Variants in NR2C2 observed in about 807,000 individuals in gnomAD.
The protein encoded by NR2C2 is Nuclear hormone receptor TR4.
NR2C2 carries 6 observed loss-of-function variants against 62.9 expected under a neutral mutation model. That is an observed-to-expected ratio of 0.10 (90% CI 0.05 to 0.19). NR2C2 has a LOEUF of 0.19. NR2C2 is among the 10% of genes least tolerant of loss of function. The pLI, the probability that NR2C2 is intolerant of heterozygous loss-of-function variation, is 1.00. For missense variants in NR2C2, 479 were observed against 762.7 expected (o/e 0.63, Z 4.38); for synonymous variants, 272 against 273.8 (o/e 0.99, Z 0.07).
At chr3:14,979,960 C>G (rs945858011) in intron 1 of NR2C2, among the ~76,000 whole-genome samples, 17 of 152,138 alleles carry the variant, frequency 1.1e-4, no homozygotes, top group Non-Finnish European at 2.5e-4. Context: ...AGTTCCTGCC[C>G]TGACAGACCA....
chr3:15,042,898 CTTTT>C lies in NR2C2; in HGVS notation c.1686_1689del (p.Phe562LeufsTer10). On this transcript the variant is annotated frameshift_variant, in exon 14 of 14. Coordinates refer to ENST00000425241, the MANE Select transcript of NR2C2 (RefSeq NM_001291694.2). LOFTEE classifies it high-confidence loss of function. The stretch of plus-strand genomic sequence containing the variant: ...GATGAGCTCCAACATAACAGAAGAA[CTTTT>C]TTTTACTGGTCTCATTGGCAATGTT... 1 of 1,613,768 alleles carries C rather than the reference CTTTT, an allele frequency of 6.2e-7. No homozygotes were observed. The highest frequency in any genetic ancestry group is 8.5e-7 in the Non-Finnish European group (1 of 1,179,814).
chr3:15,014,957 T>TA (rs1289524785), intron 3 of NR2C2, among the ~76,000 whole-genome samples: 1 of 152,184 alleles, frequency 6.6e-6, no homozygotes, highest in Non-Finnish European at 1.5e-5. Flanking sequence ...TGAAGAAACT[T>TA]AAAGAAGGGA....
At chr3:14,948,616 A>C (rs2039227197) in intron 1 of NR2C2, 1 of 147,878 alleles carries the variant, frequency 6.8e-6, no homozygotes, top group Non-Finnish European at 1.5e-5. Context: ...GCGGGGCGCG[A>C]GGGGCGCGGC....
In NR2C2 at chr3:14,991,019, ATC is replaced by A. The variant is rs1215285027; in HGVS notation, c.-39-12854_-39-12853del. Among the ~76,000 whole-genome samples the A allele has an allele frequency of 2.2e-4, 33 of 152,308 alleles. 4 individuals carry two copies. Among genetic ancestry groups the A allele is most frequent in the South Asian group, 2.1e-3 (10 of 4,830 alleles). ...TTTATGAACCATATTGCTCTTAAAT[ATC>A]TCATTGTTTTACATAATTGTGGGGA... On this transcript the variant is annotated intron_variant, in intron 1 of 13. Transcript: ENST00000425241.
chr3:14,978,844 A>G (rs182354055), intron 1 of NR2C2, among the ~76,000 whole-genome samples: 101 of 152,196 alleles, frequency 6.6e-4, no homozygotes, highest in African/African-American at 2.2e-3. Context: ...TTATCCACAG[A>G]CTATACCTCC....
chr3:14,996,167 T>G (rs2040828068), intron 1 of NR2C2, among the ~76,000 whole-genome samples: 1 of 152,242 alleles, frequency 6.6e-6, no homozygotes, highest in Admixed American at 6.5e-5. Flanking sequence ...ATTTTAATGT[T>G]GGTAAAACCC....
intron 6 of NR2C2, among the ~76,000 whole-genome samples, chr3:15,023,833 C>CT (rs2041744156): frequency 6.6e-6 from 1 of 152,168 alleles, no homozygotes; most frequent in Non-Finnish European, 1.5e-5. Context: ...ATCAAGTTAA[C>CT]TTTTCTAGGC....
At chr3:15,023,486 T>G in intron 6 of NR2C2, 139 bp downstream of exon 6, 4 of 943,780 alleles carry the variant, frequency 4.2e-6, no homozygotes, top group Non-Finnish European at 6.4e-6. Context: ...CTGCCCCTTC[T>G]GGAGCTGCTC....
At chr3:14,997,231 C>T (rs993648439) in intron 1 of NR2C2, among the ~76,000 whole-genome samples, 1 of 152,134 alleles carries the variant, frequency 6.6e-6, no homozygotes, top group Non-Finnish European at 1.5e-5. Flanking sequence ...AGGTTTGTAG[C>T]CTAGGGGCAA....
In NR2C2 at chr3:15,028,675, T is replaced by TGG; in HGVS notation, c.888_889insGG (p.Ser297GlyfsTer14). ...GTGAATCTTTGAACAACGGTGACAC[T>TGG]TCAGAAATCCAGCCAGAGGACCAGT... On this transcript the variant is annotated frameshift_variant, in exon 8 of 14. Coordinates refer to ENST00000425241, the MANE Select transcript of NR2C2 (RefSeq NM_001291694.2). LOFTEE classifies it high-confidence loss of function. The TGG allele has an allele frequency of 6.2e-7, 1 of 1,614,150 alleles. No individual in the cohort carries two copies. The highest frequency in any genetic ancestry group is 1.1e-5 in the South Asian group (1 of 91,084).
At chr3:15,017,826 C>T (rs2041554075) in intron 4 of NR2C2, among the ~76,000 whole-genome samples, 2 of 152,216 alleles carry the variant, frequency 1.3e-5, no homozygotes, top group South Asian at 4.1e-4. Flanking sequence ...TTCTCTGTAG[C>T]CACCATAAAT....
intron 5 of NR2C2, among the ~76,000 whole-genome samples, chr3:15,021,879 A>G (rs2041677140): frequency 6.6e-6 from 1 of 152,262 alleles, no homozygotes; most frequent in Admixed American, 6.5e-5. Flanking sequence ...TTTTTTGAGA[A>G]ATTAGAAATA....
intron 1 of NR2C2, chr3:14,959,559 AT>A (rs763081463): frequency 3.3e-5 from 5 of 151,804 alleles, no homozygotes; most frequent in Non-Finnish European, 5.9e-5. Context: ...CTCCTTGTTC[AT>A]TTTTAAGCAG....
At chr3:14,957,949 C>G (rs2039575278) in intron 1 of NR2C2, among the ~76,000 whole-genome samples, 1 of 152,042 alleles carries the variant, frequency 6.6e-6, no homozygotes, top group Non-Finnish European at 1.5e-5. Context: ...AAATATGCCA[C>G]TCTTCCTCAT....
At chr3:14,984,734 A>T (rs979786520) in intron 1 of NR2C2, among the ~76,000 whole-genome samples, 1 of 152,220 alleles carries the variant, frequency 6.6e-6, no homozygotes, top group Non-Finnish European at 1.5e-5. Flanking sequence ...TATTACAACT[A>T]AAGTTGCTGT....
chr3:15,032,734 TGCTAGGAGCTGGGG>T, intron 10 of NR2C2, among the ~76,000 whole-genome samples: 1 of 152,164 alleles, frequency 6.6e-6, no homozygotes, highest in African/African-American at 2.4e-5. Context: ...AAGGATTTGG[TGCTAGGAGCTGGGG>T]ATGGAGAAGA....
chr3:15,005,670 A>C (rs544384910), intron 2 of NR2C2, among the ~76,000 whole-genome samples: 17 of 152,108 alleles, frequency 1.1e-4, no homozygotes, highest in Admixed American at 6.5e-4. Flanking sequence ...AGTTGGGACT[A>C]CAAATGTGCA....
At chr3:14,967,244 T>G (rs2039883988) in intron 1 of NR2C2, among the ~76,000 whole-genome samples, 1 of 152,024 alleles carries the variant, frequency 6.6e-6, no homozygotes, top group South Asian at 2.1e-4. Context: ...GAGTCTGCCC[T>G]CTTCTTCTTG....
At chr3:15,001,042 C>T (rs539019586) in intron 1 of NR2C2, among the ~76,000 whole-genome samples, 2 of 151,970 alleles carry the variant, frequency 1.3e-5, no homozygotes, top group Non-Finnish European at 2.9e-5. Flanking sequence ...TCTCAATCTC[C>T]TGACCTTGTG....
Sources: gnomAD v4.1 joint callset for allele counts (sites outside exome capture counted in the v4.1 genomes callset) on GRCh38, gnomAD v4.1.1 for gene constraint, MANE v1.5 for transcripts, NCBI Gene and HGNC (gene_info 2026-07-23, HGNC 2026-07-21) for gene names.